DSC2: variants seen among roughly 807,000 people sequenced by gnomAD.
DSC2 encodes desmocollin-2.
A neutral mutation model predicts 87.6 loss-of-function variants in DSC2; 51 were observed. The observed-to-expected ratio is 0.58, with a 90% confidence interval of 0.46 to 0.74. The LOEUF is 0.74. DSC2 is among the 30% of genes least tolerant of loss of function. DSC2 has a pLI of 0.00. For missense variants in DSC2, 1,066 were observed against 1,089.5 expected (o/e 0.98, Z 0.30); for synonymous variants, 383 against 393.2 (o/e 0.97, Z 0.31).
chr18:31,087,728 T>C lies in DSC2; in HGVS notation c.716A>G (p.Asn239Ser). 2 of 1,613,854 alleles carry C rather than the reference T, an allele frequency of 1.2e-6. No individual in the cohort carries two copies. Among genetic ancestry groups the C allele is most frequent in the South Asian group, 2.2e-5 (2 of 91,080 alleles). Residue 239 changes from asparagine (N) to serine (S), a missense_variant, in exon 6 of 16, where the codon AAC (asparagine) becomes AGC (serine). Asn to Ser is a conservative substitution (Grantham distance 46, BLOSUM62 1). Transcript: ENST00000280904. ...LIIKIEDEND[N>S]YPIFTEETYT... ...AGTTTCTTCTGTAAAAATTGGGTAG[T>C]TATCATTTTCATCCTCTATTTTGAT...
Position 31,087,794 on chromosome 18 carries a change from G to A in DSC2, c.650C>T (p.Thr217Ile), listed in dbSNP as rs1361031248. Residue 217 changes from threonine to isoleucine, a missense_variant, in exon 6 of 16, where the codon ACT (threonine) becomes ATT (isoleucine). By Grantham distance (89) the Thr-to-Ile change is moderately conservative (BLOSUM62 -1). Coordinates refer to ENST00000280904, the MANE Select transcript of DSC2 (RefSeq NM_024422.6). ...AAGTTCTGGAGTATACCCATCTGGA[G>A]TTGTTGCAAAGGCAATTATCTGTGA... ...ESFEIIAFATTPDGYTPELPL... is the reference protein window; with the variant it reads ...ESFEIIAFATIPDGYTPELPL... 1.2e-6 allele frequency: 2 copies of A among 1,613,818 alleles called. No individual in the cohort carries two copies. Among genetic ancestry groups the A allele is most frequent in the Non-Finnish European group, 1.7e-6 (2 of 1,179,834 alleles).
At chr18:31,075,897 T>C (rs746397162) in intron 11 of DSC2, among the ~76,000 whole-genome samples, 1 of 151,678 alleles carries the variant, frequency 6.6e-6, no homozygotes, top group Non-Finnish European at 1.5e-5. Flanking sequence ...GAAAGAAACT[T>C]ACAGGATGAC....
intron 12 of DSC2, 102 bp downstream of exon 12, chr18:31,074,581 G>T: frequency 9.1e-7 from 1 of 1,100,808 alleles, no homozygotes. Context: ...TTTCATTGGT[G>T]TTTCCCACAT....
In DSC2 at chr18:31,070,566, G is replaced by A. The variant is rs941066003; in HGVS notation, c.2250+160C>T. On this transcript the variant is annotated intron_variant, in intron 14 of 15. Transcript: ENST00000280904. Reference sequence around the variant, plus strand: ...AAATTTAAATACCATATATCATCATGTAAATCAAAGTCATTTTATCTGTTT... The same window carrying A: ...AAATTTAAATACCATATATCATCATATAAATCAAAGTCATTTTATCTGTTT... Among the ~76,000 whole-genome samples, 7 of 152,148 alleles carry A rather than the reference G, an allele frequency of 4.6e-5. No homozygotes were observed. In the East Asian group the frequency reaches 7.7e-4, roughly 17 times the overall value.
rs1986626320 is a variant in DSC2 at position 31,066,597 on chromosome 18, A to AT, written c.*1417dup. ...AGATAATCAAAAATATTAGAAACAC[A>AT]TTTAAAATGTCCATATGTTTAGTAT... On this transcript the variant is annotated 3_prime_UTR_variant, in exon 16 of 16. Transcript: ENST00000280904. 1 of 152,112 alleles carries AT rather than the reference A, an allele frequency of 6.6e-6. No homozygotes were observed. The highest frequency in any genetic ancestry group is 2.1e-4 in the South Asian group (1 of 4,836). The allele number at this position is 152,112 out of a possible 1,614,324, so 9.4% of individuals were successfully genotyped here.
chr18:31,097,702 C>T (rs575812054), intron 1 of DSC2, among the ~76,000 whole-genome samples: 2 of 151,732 alleles, frequency 1.3e-5, no homozygotes, highest in East Asian at 3.9e-4. Context: ...ATATTTGACC[C>T]ACAGGAATTG....
At chr18:31,097,133 A>G (rs1987785547) in intron 1 of DSC2, among the ~76,000 whole-genome samples, 1 of 151,816 alleles carries the variant, frequency 6.6e-6, no homozygotes, top group Non-Finnish European at 1.5e-5. Context: ...ATACAAAAAA[A>G]AAAAATTAGC....
chr18:31,080,404 A>G (rs560598731), intron 9 of DSC2, 52 bp from the exon 10 acceptor site: 196 of 1,598,162 alleles, frequency 1.2e-4, no homozygotes, highest in Non-Finnish European at 1.6e-4. Flanking sequence ...AATATTTGGC[A>G]ATGCTAACGA....
intron 11 of DSC2, among the ~76,000 whole-genome samples, chr18:31,078,499 G>A (rs1284957179): frequency 6.6e-6 from 1 of 151,666 alleles, no homozygotes; most frequent in Non-Finnish European, 1.5e-5. Context: ...TCTAATTTCA[G>A]ACAGCAATTT....
intron 2 of DSC2, 62 bp from the exon 3 acceptor site, chr18:31,092,362 A>C (rs1421745715): frequency 6.8e-7 from 1 of 1,477,780 alleles, no homozygotes; most frequent in African/African-American, 1.4e-5. Context: ...TTTTAACAGT[A>C]ATGTATGCAC....
At chr18:31,096,696 A>T (rs1987771440) in intron 1 of DSC2, among the ~76,000 whole-genome samples, 1 of 152,174 alleles carries the variant, frequency 6.6e-6, no homozygotes, top group Non-Finnish European at 1.5e-5. Context: ...ATTGATAAGT[A>T]CTTTTGCAAT....
rs745558233 is a variant in DSC2, at chr18:31,068,229, CACA to C, written c.2509-20_2509-18del. 5.6e-6 allele frequency: 9 copies of C among 1,613,658 alleles called. No individual in the cohort carries two copies. The highest frequency in any genetic ancestry group is 2.2e-5 in the East Asian group (1 of 44,864). On this transcript the variant is annotated intron_variant, in intron 15 of 15. Transcript: ENST00000280904. ...ATACACTTTCTGCCAAGGGGAAAAA[CACA>C]ACGTTTTTATTATTATTATTTTAAA...
intron 1 of DSC2, among the ~76,000 whole-genome samples, chr18:31,094,373 T>C (rs932976819): frequency 1.3e-5 from 2 of 152,238 alleles, no homozygotes; most frequent in African/African-American, 4.8e-5. Flanking sequence ...AATATAAAAT[T>C]ATTTTGAAGG....
rs1465604932 is a variant in DSC2, at chr18:31,059,132, A to G, written c.*8883T>C. Reference sequence around the variant, plus strand: ...AGGCTCTATCCCAGACCGCTCTGTTAGGTTGCATGGAGAATGCGATGCATT... The same window carrying G: ...AGGCTCTATCCCAGACCGCTCTGTTGGGTTGCATGGAGAATGCGATGCATT... On this transcript the variant is annotated 3_prime_UTR_variant, in exon 16 of 16. Coordinates refer to ENST00000280904, the MANE Select transcript of DSC2 (RefSeq NM_024422.6). The G allele has an allele frequency of 6.6e-6, 1 of 152,176 alleles. No individual in the cohort carries two copies. The highest frequency in any genetic ancestry group is 2.4e-5 in the African/African-American group (1 of 41,454). 9.4% of individuals were successfully genotyped at this position (152,176 alleles called of 1,614,324 possible). A position where few individuals can be genotyped will look rare whatever the true frequency, so the allele number is the denominator to read the frequency against.
At chr18:31,088,537 AT>A (rs1354756402) in intron 5 of DSC2, among the ~76,000 whole-genome samples, 8 of 152,224 alleles carry the variant, frequency 5.3e-5, no homozygotes, top group African/African-American at 1.9e-4. Flanking sequence ...TATTTGATTA[AT>A]TTGGTCTTCT....
chr18:31,091,475 A>T (rs1751407208), intron 3 of DSC2: 4 of 482,846 alleles, frequency 8.3e-6, no homozygotes, highest in South Asian at 4.6e-5. Context: ...GAGATATGCA[A>T]AGAAAATAAG....
Position 31,080,141 on chromosome 18 carries a change from C to T in DSC2, c.1475G>A (p.Gly492Glu). The T allele has an allele frequency of 6.2e-7, 1 of 1,614,040 alleles. No homozygotes were observed. The highest frequency in any genetic ancestry group is 1.3e-5 in the African/African-American group (1 of 75,026). Residue 492 changes from glycine (G) to glutamate (E), a missense_variant, in exon 10 of 16, where the codon GGA becomes GAA. Gly to Glu is a moderately conservative substitution (Grantham distance 98). Coordinates refer to ENST00000280904, the MANE Select transcript of DSC2 (RefSeq NM_024422.6). ...TGTTTCTGGGTCATATGCTTTATATCCATTGCTTGTTGTTCCCACTTCTGC... is the reference window on the plus strand; with the variant it reads ...TGTTTCTGGGTCATATGCTTTATATTCATTGCTTGTTGTTCCCACTTCTGC... ...ENAEVGTTSNGYKAYDPETRS... is the reference protein window; with the variant it reads ...ENAEVGTTSNEYKAYDPETRS...
intron 12 of DSC2, among the ~76,000 whole-genome samples, chr18:31,074,442 T>C (rs1986939141): frequency 6.6e-6 from 1 of 150,392 alleles, no homozygotes; most frequent in Non-Finnish European, 1.5e-5. Flanking sequence ...TGTGTGTGTG[T>C]GTGTGTGTGT....
In DSC2 at chr18:31,087,664, C is replaced by G; in HGVS notation, c.775+5G>C. 6.2e-7 allele frequency: 1 copy of G among 1,610,710 alleles called. No individual in the cohort carries two copies. The stretch of plus-strand genomic sequence containing the variant: ...TTGCCATATATTGTTTAAGGAGGTA[C>G]TCACCCACTCTGCAATTTTCAAAAA... On this transcript the variant is annotated splice_donor_5th_base_variant and intron_variant, in intron 6 of 15. Coordinates refer to ENST00000280904, the MANE Select transcript of DSC2 (RefSeq NM_024422.6).
Sources: allele counts gnomAD v4.1 joint callset (sites outside exome capture counted in the v4.1 genomes callset), GRCh38; gene constraint gnomAD v4.1.1; transcripts MANE v1.5; gene names NCBI Gene and HGNC (gene_info 2026-07-23, HGNC 2026-07-21).